Variants in TBC1D4 observed in about 807,000 individuals in gnomAD.
TBC1D4 encodes the protein TBC1 domain family member 4.
A neutral mutation model predicts 142.5 loss-of-function variants in TBC1D4; 121 were observed. The observed-to-expected ratio is 0.85, with a 90% CI of 0.73 to 0.99. The LOEUF (loss-of-function observed/expected upper bound fraction) is 0.99. Among genes scored for constraint, TBC1D4 ranks in the 50% least tolerant of loss-of-function variants. TBC1D4 has a pLI of 0.00. For missense variants in TBC1D4, 1,475 were observed against 1,606.6 expected (o/e 0.92, Z 1.40); for synonymous variants, 630 against 628.2 (o/e 1.00, Z -0.04).
intron 1 of TBC1D4, among the ~76,000 whole-genome samples, chr13:75,379,933 T>G (rs1485415589): frequency 2.2e-5 from 3 of 135,614 alleles, no homozygotes; most frequent in Non-Finnish European, 3.1e-5. Flanking sequence ...TGAGAAAGAG[T>G]CTTGCTCTGT....
At chr13:75,335,030 C>T (rs1031881148) in intron 8 of TBC1D4, among the ~76,000 whole-genome samples, 5 of 151,896 alleles carry the variant, frequency 3.3e-5, no homozygotes, top group African/African-American at 1.2e-4. Context: ...CAGGCTGTGC[C>T]ACTCCCTGCT....
intron 1 of TBC1D4, among the ~76,000 whole-genome samples, chr13:75,414,971 A>G (rs1885849264): frequency 6.6e-6 from 1 of 151,976 alleles, no homozygotes; most frequent in Non-Finnish European, 1.5e-5. Context: ...TAAAAACACA[A>G]AAATTAGCCA....
intron 8 of TBC1D4, among the ~76,000 whole-genome samples, chr13:75,335,059 C>T (rs560459130): frequency 2.0e-5 from 3 of 152,284 alleles, no homozygotes; most frequent in East Asian, 1.9e-4. Context: ...CACCCCAACA[C>T]GTGCACATCC....
intron 19 of TBC1D4, among the ~76,000 whole-genome samples, chr13:75,290,662 G>A (rs894990374): frequency 1.3e-5 from 2 of 152,090 alleles, no homozygotes; most frequent in Non-Finnish European, 2.9e-5. Flanking sequence ...TAGATTCCAT[G>A]TAATGGAAAT....
intron 17 of TBC1D4, among the ~76,000 whole-genome samples, chr13:75,297,634 G>A (rs1051843158): frequency 4.6e-5 from 7 of 152,002 alleles, no homozygotes; most frequent in African/African-American, 1.4e-4. Context: ...GTGCATGCCT[G>A]TAATCCCAGC....
Position 75,324,357 on chromosome 13 carries a change from G to A in TBC1D4, c.2078C>T (p.Ser693Phe). The A allele has an allele frequency of 6.2e-7, 1 of 1,613,976 alleles. No individual in the cohort carries two copies. The highest frequency in any genetic ancestry group is 1.1e-5 in the South Asian group (1 of 91,072). Residue 693 changes from serine to phenylalanine, a missense_variant, in exon 11 of 21, where the codon TCC becomes TTC. Coordinates refer to ENST00000377636, the MANE Select transcript of TBC1D4 (RefSeq NM_014832.5). ...VRRMYKESNSSSSLPSLHTSF... is the reference protein window; with the variant it reads ...VRRMYKESNSFSSLPSLHTSF... ...AGTGTGAAGACTTGGAAGACTGGAGGAAGAATTACTCTCCTTGTACATGCG... is the reference window on the plus strand; with the variant it reads ...AGTGTGAAGACTTGGAAGACTGGAGAAAGAATTACTCTCCTTGTACATGCG...
At chr13:75,369,005 C>T (rs1268528249) in intron 1 of TBC1D4, among the ~76,000 whole-genome samples, 1 of 151,708 alleles carries the variant, frequency 6.6e-6, no homozygotes, top group Admixed American at 6.6e-5. Context: ...GATTGCACCA[C>T]TGCACTCCAG....
rs751377903 is a variant in TBC1D4, at chr13:75,349,207, C to A, written c.1371G>T (p.Pro457=). 1.9e-6 allele frequency: 3 copies of A among 1,614,028 alleles called. No homozygotes were observed. Among genetic ancestry groups the A allele is most frequent in the Non-Finnish European group, 2.5e-6 (3 of 1,179,950 alleles). The stretch of plus-strand genomic sequence containing the variant: ...CACAGAGCTTATGCAAAGAGTGCAT[C>A]GGGCAGGCCTCACACAGTTTAATCT... The part of the protein sequence containing the change: ...KTQIKLCEAC[P]MHSLHKLCER... The change falls in exon 5 of 21, where the codon CCG becomes CCT. Residue 457 remains proline (P), a synonymous_variant. Coordinates refer to ENST00000377636, the MANE Select transcript of TBC1D4 (RefSeq NM_014832.5).
intron 1 of TBC1D4, among the ~76,000 whole-genome samples, chr13:75,365,600 G>C (rs1882864033): frequency 6.6e-6 from 1 of 152,116 alleles, no homozygotes; most frequent in Non-Finnish European, 1.5e-5. Context: ...TGGAATCATA[G>C]GATTCTCCTG....
chr13:75,299,226 C>G, intron 17 of TBC1D4, 104 bp downstream of exon 17: 1 of 1,576,514 alleles, frequency 6.3e-7, no homozygotes, highest in Non-Finnish European at 8.6e-7. Context: ...AGTTCTAAGA[C>G]AATGGCTCTA....
intron 1 of TBC1D4, chr13:75,377,278 C>G (rs538762977): frequency 1.3e-5 from 2 of 152,286 alleles, no homozygotes; most frequent in Admixed American, 6.5e-5. Flanking sequence ...AGCTGGAGCT[C>G]TATGTGAATG....
intron 8 of TBC1D4, among the ~76,000 whole-genome samples, chr13:75,336,589 T>A (rs1384943750): frequency 1.3e-5 from 2 of 151,792 alleles, no homozygotes; most frequent in Non-Finnish European, 2.9e-5. Flanking sequence ...ACACCTGTAA[T>A]CTCTGCCTTA....
intron 6 of TBC1D4, 77 bp from the exon 7 acceptor site, chr13:75,341,312 A>C: frequency 6.9e-7 from 1 of 1,441,732 alleles, no homozygotes; most frequent in Non-Finnish European, 9.7e-7. Flanking sequence ...AGACAAACGT[A>C]AATAAAGCTA....
At position 75,324,375 on chromosome 13, in the gene TBC1D4, T is replaced by C. The variant is rs1879041508; in HGVS notation, c.2060A>G (p.Tyr687Cys). 6.2e-7 allele frequency: 1 copy of C among 1,614,004 alleles called. No homozygotes were observed. The highest frequency in any genetic ancestry group is 8.5e-7 in the Non-Finnish European group (1 of 1,179,898). ...ACTGGAGGAAGAATTACTCTCCTTG[T>C]ACATGCGTCGAACTGACGAAAGATT... ...CSNLSSVRRM[Y>C]KESNSSSSLP... Residue 687 changes from tyrosine to cysteine, a missense_variant, in exon 11 of 21, where the codon TAC becomes TGC. By Grantham distance (194) the Tyr-to-Cys change is radical (BLOSUM62 -2). Around this residue, in one of 2 missense-constraint regions of TBC1D4, gnomAD observed 1,227 missense variants for 1,267.7 expected, o/e 0.97. Coordinates refer to ENST00000377636, the MANE Select transcript of TBC1D4 (RefSeq NM_014832.5).
Position 75,349,300 on chromosome 13 carries a change from A to G in TBC1D4, c.1278T>C (p.Val426=). ...YVFQCASESL[V]DEVMLTLKQA... is the part of the protein sequence containing the mutation. ...GTTTCAGAGTCAGCATTACCTCATCAACCTACAGGAAGAAACAAAACTCAG... is the reference window on the plus strand; with the variant it reads ...GTTTCAGAGTCAGCATTACCTCATCGACCTACAGGAAGAAACAAAACTCAG... Residue 426 remains valine, a splice_region_variant and synonymous_variant, in exon 5 of 21, where the codon GTT becomes GTC. Transcript: ENST00000377636. The G allele has an allele frequency of 6.2e-7, 1 of 1,613,796 alleles. No homozygotes were observed. Among genetic ancestry groups the G allele is most frequent in the Non-Finnish European group, 8.5e-7 (1 of 1,179,874 alleles).
intron 17 of TBC1D4, among the ~76,000 whole-genome samples, chr13:75,297,983 A>T (rs1205325724): frequency 6.6e-6 from 1 of 152,160 alleles, no homozygotes; most frequent in Non-Finnish European, 1.5e-5. Flanking sequence ...GGAATACTTC[A>T]TCTCCATTCA....
chr13:75,464,043 T>C (rs1888074394), intron 1 of TBC1D4, among the ~76,000 whole-genome samples: 1 of 152,232 alleles, frequency 6.6e-6, no homozygotes, highest in African/African-American at 2.4e-5. Context: ...AGGTACAGTT[T>C]TTCCCAGATG....
chr13:75,468,184 T>A (rs1242912436), intron 1 of TBC1D4, among the ~76,000 whole-genome samples: 1 of 152,178 alleles, frequency 6.6e-6, no homozygotes, highest in Non-Finnish European at 1.5e-5. Context: ...GTTACATGAC[T>A]AATTACGGAA....
Position 75,481,426 on chromosome 13 carries a change from C to T in TBC1D4, c.342G>A (p.Pro114=), listed in dbSNP as rs753197828. Residue 114 remains proline, a synonymous_variant, in exon 1 of 21, where the codon CCG becomes CCA. Transcript: ENST00000377636. Reference sequence around the variant, plus strand: ...CCTTGTGCTCGAAGATGAATACCGCCGGGTTGGGCTGCGTGGCCGACGGAC... The same window carrying T: ...CCTTGTGCTCGAAGATGAATACCGCTGGGTTGGGCTGCGTGGCCGACGGAC... The part of the protein sequence containing the change: ...GTSPSATQPN[P]AVFIFEHKAQ... The T allele has an allele frequency of 6.2e-7, 1 of 1,613,730 alleles. No homozygotes were observed. The highest frequency in any genetic ancestry group is 8.5e-7 in the Non-Finnish European group (1 of 1,179,812).
Sources: gnomAD v4.1 joint callset for allele counts (sites outside exome capture counted in the v4.1 genomes callset) on GRCh38, gnomAD v4.1.1 for gene constraint, gnomAD v4.1.1 regional missense constraint, MANE v1.5 for transcripts, NCBI Gene and HGNC (gene_info 2026-07-23, HGNC 2026-07-21) for gene names.